The following ARIH1 variants were observed in gnomAD, a reference collection of about 807,000 sequenced individuals.
ARIH1 encodes the protein ariadne RBR E3 ubiquitin protein ligase 1, also known as E3 ubiquitin-protein ligase ARIH1.
In ARIH1, 8 loss-of-function variants were observed where a neutral mutation model predicts 85.0. The ratio of observed to expected loss-of-function variants is 0.09; its 90% confidence interval spans 0.06 to 0.17. ARIH1 has a LOEUF of 0.17. Among genes scored for constraint, ARIH1 ranks in the 10% least tolerant of loss-of-function variants. The pLI, the probability that ARIH1 is intolerant of heterozygous loss-of-function variation, is 1.00. For missense variants in ARIH1, 311 were observed against 718.1 expected (o/e 0.43, Z 6.48); for synonymous variants, 238 against 253.6 (o/e 0.94, Z 0.59).
chr15:72,523,213 C>G (rs1414655829), intron 2 of ARIH1, among the ~76,000 whole-genome samples: 2 of 152,162 alleles, frequency 1.3e-5, no homozygotes, highest in Non-Finnish European at 2.9e-5. Flanking sequence ...CAGCTTTATT[C>G]ATAATTGCCA....
rs529196041 is a variant in ARIH1 at position 72,484,422 on chromosome 15, A to G, written c.375+9408A>G. Among the ~76,000 whole-genome samples the G allele has an allele frequency of 7.9e-5, 12 of 151,222 alleles. No individual in the cohort carries two copies. The South Asian group carries it at 1.9e-3, about 24-fold the overall frequency. ...GTGTTTTATCTCTCACCCCCTTCTC[A>G]CCTTTTTCCCCCGAGTCCCCAGAGT... is the stretch of plus-strand genomic sequence containing the variant. On this transcript the variant is annotated intron_variant, in intron 1 of 13. Transcript: ENST00000379887.
At chr15:72,477,800 CAG>C (rs1331500355) in intron 1 of ARIH1, among the ~76,000 whole-genome samples, 2 of 151,968 alleles carry the variant, frequency 1.3e-5, no homozygotes, top group Non-Finnish European at 2.9e-5. Flanking sequence ...AAAAAAAAAT[CAG>C]AGTTTTTTAT....
intron 3 of ARIH1, among the ~76,000 whole-genome samples, chr15:72,551,659 TAA>T (rs748523498): frequency 1.3e-5 from 2 of 152,192 alleles, no homozygotes; most frequent in Non-Finnish European, 2.9e-5. Flanking sequence ...TAAACGGTGA[TAA>T]GTTTCACTGT....
intron 3 of ARIH1, among the ~76,000 whole-genome samples, chr15:72,549,588 T>A (rs1367507988): frequency 6.6e-6 from 1 of 152,142 alleles, no homozygotes; most frequent in Non-Finnish European, 1.5e-5. Flanking sequence ...TTTAACACAT[T>A]ACATTTTACA....
At chr15:72,512,348 T>C (rs950677156) in intron 1 of ARIH1, among the ~76,000 whole-genome samples, 2 of 152,108 alleles carry the variant, frequency 1.3e-5, no homozygotes, top group African/African-American at 4.8e-5. Flanking sequence ...GTGTTGTGTC[T>C]TCTTTAGTGA....
intron 1 of ARIH1, among the ~76,000 whole-genome samples, chr15:72,502,089 A>G (rs2063906367): frequency 1.3e-5 from 2 of 152,092 alleles, no homozygotes; most frequent in Admixed American, 6.6e-5. Flanking sequence ...ATTGAAGGAT[A>G]CCTTACCTAT....
intron 3 of ARIH1, among the ~76,000 whole-genome samples, chr15:72,550,868 C>T (rs2064150191): frequency 6.6e-6 from 1 of 152,108 alleles, no homozygotes; most frequent in Admixed American, 6.6e-5. Flanking sequence ...GACAGGGTTT[C>T]ACCATGTTGG....
chr15:72,483,800 A>ATTTTT (rs10699090), intron 1 of ARIH1, among the ~76,000 whole-genome samples: 1,688 of 146,930 alleles, frequency 0.011, 34 homozygotes, highest in African/African-American at 0.041. Flanking sequence ...CAGTTTACTG[A>ATTTTT]TTTTTTTTTT....
rs913949223 is a variant in ARIH1, at chr15:72,582,798, C to T, written c.1590-410C>T. On this transcript the variant is annotated intron_variant, in intron 13 of 13. Transcript: ENST00000379887. The surrounding 1 kb of genome is among the most constrained non-coding windows in gnomAD (Gnocchi z 4.6). The stretch of plus-strand genomic sequence containing the variant: ...GAGATTTAGTCCTAACCAATATCTT[C>T]CCTTCCCTTAGCCAATTTTAGCTAC... Among the ~76,000 whole-genome samples, 17 of 152,124 alleles carry T rather than the reference C, an allele frequency of 1.1e-4. No homozygotes were observed. The highest frequency in any genetic ancestry group is 9.2e-4 in the Admixed American group (14 of 15,268).
intron 1 of ARIH1, among the ~76,000 whole-genome samples, chr15:72,480,436 A>G (rs1419761423): frequency 6.7e-6 from 1 of 149,128 alleles, no homozygotes; most frequent in Non-Finnish European, 1.5e-5. Flanking sequence ...TATTTTTTGT[A>G]TTTTATTAGA....
rs925073880 is a variant in ARIH1, at chr15:72,590,205, A to C, written c.*6913A>C. ...TCTGCATAGACTCGGTGGATTGCCC[A>C]AGGCCACTCAACCAGTTAATATCAG... is the stretch of plus-strand genomic sequence containing the variant. On this transcript the variant is annotated 3_prime_UTR_variant, in exon 14 of 14. Transcript: ENST00000379887. The C allele has an allele frequency of 1.6e-4, 24 of 152,324 alleles. No homozygotes were observed. The highest frequency in any genetic ancestry group is 5.8e-4 in the African/African-American group (24 of 41,558). The allele number at this position is 152,324 out of a possible 1,614,324, so 9.4% of individuals were successfully genotyped here.
At position 72,474,618 on chromosome 15, in the gene ARIH1, C is replaced by A. The variant is rs759006144; in HGVS notation, c.-22C>A. On this transcript the variant is annotated 5_prime_UTR_variant, in exon 1 of 14. Transcript: ENST00000379887. ...CTCTCCCCGCCTCGGCCAGCGTCCG[C>A]CGGGCCCCCGCGCGTCGCGCCATGG... is the stretch of plus-strand genomic sequence containing the variant. The A allele has an allele frequency of 6.0e-6, 9 of 1,504,946 alleles. No individual in the cohort carries two copies. In the South Asian group the frequency reaches 9.9e-5, roughly 17 times the overall value. 93.2% of individuals were successfully genotyped at this position (1,504,946 alleles called of 1,614,324 possible). A position where few individuals can be genotyped will look rare whatever the true frequency, so the allele number is the denominator to read the frequency against.
At chr15:72,480,479 T>G (rs911826662) in intron 1 of ARIH1, among the ~76,000 whole-genome samples, 5 of 152,064 alleles carry the variant, frequency 3.3e-5, no homozygotes, top group African/African-American at 1.2e-4. Context: ...CAGGCTGGTC[T>G]CGAACTCCTG....
intron 2 of ARIH1, among the ~76,000 whole-genome samples, chr15:72,532,189 T>C (rs1189080691): frequency 6.7e-6 from 1 of 150,102 alleles, no homozygotes; most frequent in Non-Finnish European, 1.5e-5. Context: ...TTAAGACTGA[T>C]AACGTTGACA....
At chr15:72,534,594 C>T (rs1273941852) in intron 2 of ARIH1, among the ~76,000 whole-genome samples, 2 of 152,150 alleles carry the variant, frequency 1.3e-5, no homozygotes, top group Non-Finnish European at 2.9e-5. Flanking sequence ...TTTGCCAAGA[C>T]AGCTTTTCTC....
At chr15:72,490,489 T>C (rs903770129) in intron 1 of ARIH1, among the ~76,000 whole-genome samples, 1 of 152,128 alleles carries the variant, frequency 6.6e-6, no homozygotes, top group Non-Finnish European at 1.5e-5. Flanking sequence ...GCACTCCTTA[T>C]GAGAATCTAA....
At chr15:72,510,736 CAAAAAAAAAAAAAA>C (rs57834481) in intron 1 of ARIH1, among the ~76,000 whole-genome samples, 24 of 26,724 alleles carry the variant, frequency 9.0e-4, no homozygotes, top group Middle Eastern at 0.056. Context: ...GACTCTGACT[CAAAAAAAAAAAAAA>C]AAAAAAAAAA....
chr15:72,527,455 C>T (rs2064035036), intron 2 of ARIH1, among the ~76,000 whole-genome samples: 1 of 152,004 alleles, frequency 6.6e-6, no homozygotes, highest in South Asian at 2.1e-4. Flanking sequence ...GGAATTCTCT[C>T]ACCTGGAGGG....
At chr15:72,477,629 T>A (rs2063799791) in intron 1 of ARIH1, among the ~76,000 whole-genome samples, 1 of 152,178 alleles carries the variant, frequency 6.6e-6, no homozygotes, top group African/African-American at 2.4e-5. Flanking sequence ...TTCAAATAAG[T>A]CAACATTATT....
Sources: allele counts gnomAD v4.1 joint callset (sites outside exome capture counted in the v4.1 genomes callset), GRCh38; gene constraint gnomAD v4.1.1; non-coding constraint Gnocchi (gnomAD v3.1); transcripts MANE v1.5; gene names NCBI Gene and HGNC (gene_info 2026-07-23, HGNC 2026-07-21).